Variants in ZNF331 observed in about 807,000 individuals in gnomAD.
ZNF331 encodes C2H2-like zinc finger protein rearranged in thyroid adenomas.
In ZNF331, 2 loss-of-function variants were observed where a neutral mutation model predicts 7.0. The observed-to-expected ratio is 0.29, with a 90% CI of 0.12 to 0.90. The LOEUF (loss-of-function observed/expected upper bound fraction) is 0.90. Among genes scored for constraint, ZNF331 ranks in the 40% least tolerant of loss-of-function variants. The probability of loss-of-function intolerance (pLI) is 0.58; values close to 1 mark genes in which losing one functional copy is unlikely to be tolerated. For synonymous variants in ZNF331, 196 were observed against 205.4 expected, an observed-to-expected ratio of 0.95 and a Z score of 0.39; for missense variants, 432 against 587.7, an observed-to-expected ratio of 0.74 and a Z score of 2.74.
Position 53,576,526 on chromosome 19 carries a change from CAGTT to C in ZNF331, c.137-167_137-164del, listed in dbSNP as rs558493344. Among the ~76,000 whole-genome samples the C allele has an allele frequency of 9.5e-3, 1,442 of 152,294 alleles. 6 individuals are homozygous for C. Among genetic ancestry groups the C allele is most frequent in the Middle Eastern group, 0.017 (5 of 294 alleles). On this transcript the variant is annotated intron_variant, in intron 5 of 5. Transcript: ENST00000449416. ...AAAATAGATGTCTCCAATGAATTCT[CAGTT>C]AGTATTGTACCAGAAGTAGAATCTA...
intron 5 of ZNF331, among the ~76,000 whole-genome samples, chr19:53,576,081 T>G (rs536504894): frequency 4.6e-4 from 70 of 152,098 alleles, no homozygotes; most frequent in Admixed American, 2.2e-3. Context: ...GCTTCCCAGG[T>G]TCAAGCAATT....
At chr19:53,542,796 C>T (rs889895456) in intron 2 of ZNF331, among the ~76,000 whole-genome samples, 5 of 152,152 alleles carry the variant, frequency 3.3e-5, no homozygotes, top group African/African-American at 7.2e-5. Context: ...ACGCAGACAG[C>T]GGGTTCAAGG....
At chr19:53,508,660 G>T in the ZNF331 span, among the ~76,000 whole-genome samples, 11 of 152,044 alleles carry the variant, frequency 7.2e-5, no homozygotes, top group Non-Finnish European at 1.6e-4. Flanking sequence ...CAAAATATGA[G>T]ATTTCTCTCT....
chr19:53,547,885 T>C lies in ZNF331; in HGVS notation c.-137-7960T>C, dbSNP rs1948916115. ...TTATTATCAGGGTTGTTTGGTTTTT[T>C]GCTGTTAAGTTGTTTGAGTTCTATG... On this transcript the variant is annotated intron_variant, in intron 2 of 5. Coordinates refer to ENST00000449416, the MANE Select transcript of ZNF331 (RefSeq NM_001079906.2). Among the ~76,000 whole-genome samples the C allele has an allele frequency of 2.0e-5, 3 of 152,280 alleles. No homozygotes were observed. The South Asian group carries it at 6.2e-4, about 32-fold the overall frequency.
Position 53,578,019 on chromosome 19 carries a change from G to A in ZNF331, c.*67G>A. The A allele has an allele frequency of 6.8e-7, 1 of 1,481,456 alleles. No homozygotes were observed. The highest frequency in any genetic ancestry group is 2.4e-5 in the Admixed American group (1 of 41,560). 91.8% of individuals were successfully genotyped at this position (1,481,456 alleles called of 1,614,324 possible). A position where few individuals can be genotyped will look rare whatever the true frequency, so the allele number is the denominator to read the frequency against. Reference sequence around the variant, plus strand: ...CGCTTTCCACAGTTTGTTACCTGCAGTCAACTGCAGTTCAAAAATATTAAA... The same window carrying A: ...CGCTTTCCACAGTTTGTTACCTGCAATCAACTGCAGTTCAAAAATATTAAA... On this transcript the variant is annotated 3_prime_UTR_variant, in exon 6 of 6. Coordinates refer to ENST00000449416, the MANE Select transcript of ZNF331 (RefSeq NM_001079906.2).
chr19:53,569,827 G>A (rs1330861607), intron 4 of ZNF331, among the ~76,000 whole-genome samples: 1 of 152,132 alleles, frequency 6.6e-6, no homozygotes, highest in Admixed American at 6.6e-5. Flanking sequence ...CTTTTGGAAA[G>A]GGATGGGGCT....
intron 4 of ZNF331, 51 bp downstream of exon 4, chr19:53,569,436 G>A: frequency 6.2e-7 from 1 of 1,602,354 alleles, no homozygotes; most frequent in Non-Finnish European, 8.5e-7. Flanking sequence ...TGCGTTCTGT[G>A]CATCTGCTTG....
chr19:53,555,521 G>T (rs895844576), intron 2 of ZNF331: 2 of 152,496 alleles, frequency 1.3e-5, no homozygotes, highest in African/African-American at 4.8e-5. Flanking sequence ...GCCGCGGAAG[G>T]ACGGGAGTGC....
chr19:53,556,185 G>T (rs1231906640), intron 3 of ZNF331, among the ~76,000 whole-genome samples: 6 of 145,952 alleles, frequency 4.1e-5, no homozygotes, highest in African/African-American at 1.5e-4. Flanking sequence ...GGAGCTTGCA[G>T]TGAGCCGAGA....
chr19:53,514,652 C>CTTT (rs67056894), upstream of ZNF331, among the ~76,000 whole-genome samples: 30,700 of 132,116 alleles, frequency 0.23, 4,383 homozygotes, highest in Middle Eastern at 0.26. Context: ...AAGCCTTCTC[C>CTTT]TTTTTTTTTT....
chr19:53,543,211 G>A (rs760591796), intron 2 of ZNF331, among the ~76,000 whole-genome samples: 36 of 152,146 alleles, frequency 2.4e-4, no homozygotes, highest in Non-Finnish European at 4.6e-4. Flanking sequence ...GATCGCTTGA[G>A]CCCACAAGTT....
At chr19:53,544,524 G>A (rs1373086296) in intron 2 of ZNF331, among the ~76,000 whole-genome samples, 33 of 144,972 alleles carry the variant, frequency 2.3e-4, no homozygotes, top group African/African-American at 6.2e-4. Context: ...CAGCCTGGGC[G>A]ACAGAGCAAG....
intron 2 of ZNF331, among the ~76,000 whole-genome samples, chr19:53,541,195 C>G (rs2088151162): frequency 6.6e-6 from 1 of 150,684 alleles, no homozygotes; most frequent in South Asian, 2.1e-4. Flanking sequence ...GTAACCTCTG[C>G]CTCCTGGGTT....
chr19:53,550,822 C>G (rs1304687620), intron 2 of ZNF331, among the ~76,000 whole-genome samples: 1 of 151,102 alleles, frequency 6.6e-6, no homozygotes, highest in Non-Finnish European at 1.5e-5. Flanking sequence ...CAGGCGTGAG[C>G]CACCATGCCT....
At chr19:53,536,150 G>C (rs2087739657), upstream of ZNF331, among the ~76,000 whole-genome samples, 1 of 152,180 alleles carries the variant, frequency 6.6e-6, no homozygotes. Context: ...TCATGTCTCT[G>C]TCTCCCTAGT....
At position 53,564,074 on chromosome 19, in the gene ZNF331, C is replaced by CTTT. The variant is rs1205257105; in HGVS notation, c.-73-5211_-73-5209dup. On this transcript the variant is annotated intron_variant, in intron 3 of 5. Coordinates refer to ENST00000449416, the MANE Select transcript of ZNF331 (RefSeq NM_001079906.2). Reference sequence around the variant, plus strand: ...AAAAAAAGAGCACAGAGCCTGCATTCTTTTTTTTTTTTTTTTTTTTTGAGA... The same window carrying CTTT: ...AAAAAAAGAGCACAGAGCCTGCATTCTTTTTTTTTTTTTTTTTTTTTTTTGAGA... Among the ~76,000 whole-genome samples, 26 of 94,684 alleles carry CTTT rather than the reference C, an allele frequency of 2.7e-4. 3 individuals are homozygous for CTTT. The highest frequency in any genetic ancestry group is 7.7e-4 in the South Asian group (2 of 2,596). The allele number at this position is 94,684 out of a possible 152,430, so 62.1% of individuals were successfully genotyped here. A position where few individuals can be genotyped will look rare whatever the true frequency, so the allele number is the denominator to read the frequency against.
At chr19:53,546,000 G>A (rs1159831180) in intron 2 of ZNF331, among the ~76,000 whole-genome samples, 2 of 151,928 alleles carry the variant, frequency 1.3e-5, no homozygotes, top group Admixed American at 6.6e-5. Flanking sequence ...CTCTCCATTC[G>A]GATTGGTTTC....
chr19:53,544,560 GAATC>G (rs1377514957), intron 2 of ZNF331, among the ~76,000 whole-genome samples: 4 of 145,992 alleles, frequency 2.7e-5, no homozygotes, highest in Admixed American at 2.1e-4. Flanking sequence ...AAAAAAAAAA[GAATC>G]AATATTGTTA....
intron 3 of ZNF331, among the ~76,000 whole-genome samples, chr19:53,565,005 T>TA (rs1472801517): frequency 2.0e-5 from 3 of 152,258 alleles, no homozygotes; most frequent in African/African-American, 7.2e-5. Flanking sequence ...TTCCTTGTCA[T>TA]AAATTCCAGA....
Sources: gnomAD v4.1 joint callset for allele counts (sites outside exome capture counted in the v4.1 genomes callset) on GRCh38, gnomAD v4.1.1 for gene constraint, MANE v1.5 for transcripts, NCBI Gene and HGNC (gene_info 2026-07-23, HGNC 2026-07-21) for gene names.